Variants in PRKD1 observed in about 807,000 individuals in gnomAD.
PRKD1 encodes the protein serine/threonine-protein kinase D1.
Under a neutral mutation model 95.9 loss-of-function variants are expected in PRKD1, and 63 were observed. The observed-to-expected ratio is 0.66, with a 90% confidence interval of 0.54 to 0.81. The LOEUF is 0.81. Among genes scored for constraint, PRKD1 ranks in the 30% least tolerant of loss-of-function variants. The pLI, the probability that PRKD1 is intolerant of heterozygous loss-of-function variation, is 0.00. For missense variants in PRKD1, 1,048 were observed against 1,165.3 expected (o/e 0.90, Z 1.47); for synonymous variants, 425 against 423.1 (o/e 1.00, Z -0.05).
intron 1 of PRKD1, among the ~76,000 whole-genome samples, chr14:29,773,119 C>T (rs985859550): frequency 6.6e-6 from 1 of 152,160 alleles, no homozygotes; most frequent in African/African-American, 2.4e-5. Context: ...ATAAATCCTT[C>T]TCCAACTATC....
At chr14:29,914,724 C>G (rs1894832467) in intron 1 of PRKD1, among the ~76,000 whole-genome samples, 1 of 151,910 alleles carries the variant, frequency 6.6e-6, no homozygotes, top group Non-Finnish European at 1.5e-5. Context: ...AGCAACACTC[C>G]ATCTCTAAAT....
At chr14:29,591,520 C>G (rs1432619364) in intron 16 of PRKD1, among the ~76,000 whole-genome samples, 2 of 151,952 alleles carry the variant, frequency 1.3e-5, no homozygotes, top group Admixed American at 1.3e-4. Flanking sequence ...TGCAAAACGG[C>G]AGTTTAAGGG....
At chr14:29,623,175 G>A (rs1879391511) in intron 13 of PRKD1, among the ~76,000 whole-genome samples, 1 of 152,160 alleles carries the variant, frequency 6.6e-6, no homozygotes, top group Non-Finnish European at 1.5e-5. Flanking sequence ...TGCTCCATTA[G>A]TTGTCCAGAG....
chr14:29,624,862 T>C (rs531954730), intron 12 of PRKD1, among the ~76,000 whole-genome samples: 10 of 152,292 alleles, frequency 6.6e-5, no homozygotes, highest in Admixed American at 5.9e-4. Context: ...TTTATGTATA[T>C]TACACCTCAT....
At chr14:29,607,266 C>A (rs1878048731) in intron 13 of PRKD1, among the ~76,000 whole-genome samples, 1 of 152,170 alleles carries the variant, frequency 6.6e-6, no homozygotes. Context: ...GTATGAACTG[C>A]CACAGACTTG....
chr14:29,767,300 T>C (rs186838783), intron 1 of PRKD1, among the ~76,000 whole-genome samples: 9 of 152,290 alleles, frequency 5.9e-5, no homozygotes, highest in Admixed American at 5.2e-4. Flanking sequence ...CTGATGAATA[T>C]GTATCCAGCT....
chr14:29,820,999 CA>C, intron 1 of PRKD1, among the ~76,000 whole-genome samples: 1 of 152,210 alleles, frequency 6.6e-6, no homozygotes, highest in East Asian at 1.9e-4. Context: ...AAGTCATTAA[CA>C]GTGATGGAGA....
chr14:29,669,073 T>C (rs1882691045), intron 2 of PRKD1, among the ~76,000 whole-genome samples: 1 of 152,228 alleles, frequency 6.6e-6, no homozygotes, highest in Non-Finnish European at 1.5e-5. Context: ...GAAAAATATT[T>C]TTTAAAGAGT....
Position 29,599,659 on chromosome 14 carries a change from A to C in PRKD1, c.2064T>G (p.Thr688=), listed in dbSNP as rs1384911052. ...LPEHITKFLI[T]QILVALRHLH... Reference sequence around the variant, plus strand: ...CCGTCTCTAATTGATTTCTTACCTGAGTAATTAAAAACTTCGTTATGTGCT... The same window carrying C: ...CCGTCTCTAATTGATTTCTTACCTGCGTAATTAAAAACTTCGTTATGTGCT... The change falls in exon 14 of 18, where the codon ACT becomes ACG. Residue 688 remains threonine, a synonymous_variant. Transcript: ENST00000331968. The C allele has an allele frequency of 2.1e-5, 33 of 1,608,370 alleles. No individual in the cohort carries two copies. The highest frequency in any genetic ancestry group is 2.5e-5 in the Non-Finnish European group (30 of 1,177,774).
At chr14:29,798,383 TGGTTG>T (rs1889899997) in intron 1 of PRKD1, among the ~76,000 whole-genome samples, 1 of 152,190 alleles carries the variant, frequency 6.6e-6, no homozygotes, top group South Asian at 2.1e-4. Flanking sequence ...CTTGCATCTG[TGGTTG>T]GAGCTTCTAA....
At chr14:29,880,581 G>A (rs1243492093) in intron 1 of PRKD1, among the ~76,000 whole-genome samples, 1 of 152,144 alleles carries the variant, frequency 6.6e-6, no homozygotes. Flanking sequence ...GGACCACCGA[G>A]TAGAGCTGTG....
At chr14:29,906,223 G>A (rs1045053280) in intron 1 of PRKD1, among the ~76,000 whole-genome samples, 18 of 152,034 alleles carry the variant, frequency 1.2e-4, no homozygotes, top group African/African-American at 3.1e-4. Flanking sequence ...TAAAGTAAGC[G>A]TTAAGTTTAA....
At chr14:29,741,860 T>TA (rs113284846) in intron 1 of PRKD1, among the ~76,000 whole-genome samples, 6,349 of 152,086 alleles carry the variant, frequency 0.042, 358 homozygotes, top group African/African-American at 0.13. Context: ...TGATTTTTTT[T>TA]AAAAAAACTC....
intron 1 of PRKD1, among the ~76,000 whole-genome samples, chr14:29,796,848 TGA>T (rs1889839568): frequency 6.6e-6 from 1 of 152,174 alleles, no homozygotes; most frequent in African/African-American, 2.4e-5. Context: ...GTAGACATGT[TGA>T]GTTGCACTGC....
At chr14:29,918,478 C>T (rs527350295) in intron 1 of PRKD1, among the ~76,000 whole-genome samples, 2 of 152,238 alleles carry the variant, frequency 1.3e-5, no homozygotes, top group East Asian at 1.9e-4. Context: ...ATGGTGCTAA[C>T]CATTAGATCT....
intron 1 of PRKD1, among the ~76,000 whole-genome samples, chr14:29,926,742 G>A (rs1024885423): frequency 1.3e-5 from 2 of 152,020 alleles, no homozygotes; most frequent in Admixed American, 1.3e-4. Flanking sequence ...CTGCACTCCT[G>A]GTCAGTTGTT....
At chr14:29,653,442 G>A (rs1452549438) in intron 4 of PRKD1, among the ~76,000 whole-genome samples, 2 of 151,930 alleles carry the variant, frequency 1.3e-5, no homozygotes, top group Non-Finnish European at 2.9e-5. Flanking sequence ...GATAACTTTA[G>A]TAAAGTTATT....
chr14:29,703,895 A>T (rs1884957887), intron 2 of PRKD1, among the ~76,000 whole-genome samples: 1 of 152,148 alleles, frequency 6.6e-6, no homozygotes, highest in African/African-American at 2.4e-5. Flanking sequence ...CCTCTCACAA[A>T]CCCCAAAACA....
At chr14:29,920,593 C>A (rs1895066884) in intron 1 of PRKD1, among the ~76,000 whole-genome samples, 1 of 147,692 alleles carries the variant, frequency 6.8e-6, no homozygotes, top group African/African-American at 2.5e-5. Context: ...CTAATACACA[C>A]ACACACACAC....
Sources: allele counts gnomAD v4.1 joint callset (sites outside exome capture counted in the v4.1 genomes callset), GRCh38; gene constraint gnomAD v4.1.1; transcripts MANE v1.5; gene names NCBI Gene and HGNC (gene_info 2026-07-23, HGNC 2026-07-21).